RRP7A: variants seen among roughly 807,000 people sequenced by gnomAD.
RRP7A encodes the protein ribosomal RNA processing 7 homolog A.
Under a neutral mutation model 38.4 loss-of-function variants are expected in RRP7A, and 27 were observed. That is an observed-to-expected ratio of 0.70 (90% CI 0.52 to 0.97). RRP7A has a LOEUF of 0.97. RRP7A is among the 50% of genes least tolerant of loss of function. RRP7A has a pLI of 0.00. For synonymous variants in RRP7A, 124 were observed against 150.3 expected (o/e 0.83, Z 1.28); for missense variants, 327 against 375.4 (o/e 0.87, Z 1.07).
rs375538767 is a variant in RRP7A, at chr22:42,512,917, G to C, written c.836C>G (p.Pro279Arg). The change falls in exon 7 of 7, where the codon CCG (proline) becomes CGG (arginine). Residue 279 changes from proline (P) to arginine (R), a missense_variant. Physicochemically the swap from Pro to Arg is moderately radical, Grantham distance 103 (BLOSUM62 -2). Transcript: ENST00000323013. ...CACTGCGGCTCTCACAGCTCAGTACGGTCGGAATTTGCGCTGGGCCCGCAG... is the reference window on the plus strand; with the variant it reads ...CACTGCGGCTCTCACAGCTCAGTACCGTCGGAATTTGCGCTGGGCCCGCAG... ...ELLRAQRKFR[P>R]Y The C allele has an allele frequency of 9.6e-5, 155 of 1,613,160 alleles. No homozygotes were observed. Among genetic ancestry groups the C allele is most frequent in the Non-Finnish European group, 1.3e-4 (150 of 1,179,530 alleles).
intron 6 of RRP7A, 114 bp downstream of exon 6, chr22:42,513,992 C>T (rs1239431066): frequency 6.6e-6 from 6 of 905,038 alleles, no homozygotes; most frequent in Non-Finnish European, 1.0e-5. Flanking sequence ...TTAGGGACGC[C>T]CTCCCTCCTC....
At chr22:42,515,926 A>C (rs1023296795) in intron 3 of RRP7A, 85 bp downstream of exon 3, 4 of 1,467,022 alleles carry the variant, frequency 2.7e-6, no homozygotes, top group Non-Finnish European at 3.7e-6. Context: ...GAATGCTCTG[A>C]TGTCCCACTG....
chr22:42,517,378 G>A (rs1015849471), intron 2 of RRP7A, among the ~76,000 whole-genome samples: 2 of 145,468 alleles, frequency 1.4e-5, no homozygotes, highest in African/African-American at 5.1e-5. Context: ...TAACAGTTGT[G>A]TTTGGATAGA....
rs530684787 is a variant in RRP7A at position 42,513,611 on chromosome 22, A to G, written c.757+495T>C. On this transcript the variant is annotated intron_variant, in intron 6 of 6. Coordinates refer to ENST00000323013, the MANE Select transcript of RRP7A (RefSeq NM_015703.5). ...AGACAGGGACACCAGGCAGTGGGGCAGGAGGCTCAGCCGCAGCACCAGGAG... is the reference window on the plus strand; with the variant it reads ...AGACAGGGACACCAGGCAGTGGGGCGGGAGGCTCAGCCGCAGCACCAGGAG... Among the ~76,000 whole-genome samples, 67 of 128,690 alleles carry G rather than the reference A, an allele frequency of 5.2e-4. No homozygotes were observed. In the South Asian group the frequency reaches 5.4e-3, roughly 10 times the overall value. 84.4% of individuals were successfully genotyped at this position (128,690 alleles called of 152,430 possible).
intron 5 of RRP7A, 50 bp from the exon 6 acceptor site, chr22:42,514,354 G>A (rs1275412375): frequency 8.6e-6 from 12 of 1,390,620 alleles, no homozygotes; most frequent in African/African-American, 1.4e-5. Context: ...GCAGCCTCCA[G>A]CAGCGCGCCC....
chr22:42,513,018 G>A (rs1271446059), intron 6 of RRP7A, 23 bp from the exon 7 acceptor site: 4 of 1,600,844 alleles, frequency 2.5e-6, no homozygotes, highest in Non-Finnish European at 3.4e-6. Flanking sequence ...GGAGGCGCGG[G>A]GCAGGGTCAG....
At chr22:42,519,368 G>T (rs202202708) in intron 1 of RRP7A, among the ~76,000 whole-genome samples, 1 of 152,118 alleles carries the variant, frequency 6.6e-6, no homozygotes, top group East Asian at 1.9e-4. Context: ...GAGCTGATGG[G>T]GGATGGACTA....
chr22:42,509,063 G>C lies in RRP7A; in HGVS notation c.*3847C>G, dbSNP rs1008291362. On this transcript the variant is annotated 3_prime_UTR_variant, in exon 7 of 7. Coordinates refer to ENST00000323013, the MANE Select transcript of RRP7A (RefSeq NM_015703.5). ...GCATTGACTTCGTCAGCAGGGAGCT[G>C]TGTGCGCATTCCATCAGGAAGCTGC... 6.2e-7 allele frequency: 1 copy of C among 1,612,680 alleles called. No homozygotes were observed. The highest frequency in any genetic ancestry group is 2.2e-5 in the East Asian group (1 of 44,884).
chr22:42,512,288 A>C lies in RRP7A; in HGVS notation c.*622T>G, dbSNP rs1932490866. On this transcript the variant is annotated 3_prime_UTR_variant, in exon 7 of 7. Coordinates refer to ENST00000323013, the MANE Select transcript of RRP7A (RefSeq NM_015703.5). ...TAGTGCTCCCAGACTCAACACTGGG[A>C]CTCTGAGTTCCTGAGCCCCACAACA... 1 of 1,496,920 alleles carries C rather than the reference A, an allele frequency of 6.7e-7. No homozygotes were observed. The highest frequency in any genetic ancestry group is 9.3e-7 in the Non-Finnish European group (1 of 1,078,474). 92.7% of individuals were successfully genotyped at this position (1,496,920 alleles called of 1,614,324 possible). A position where few individuals can be genotyped will look rare whatever the true frequency, so the allele number is the denominator to read the frequency against.
chr22:42,517,400 T>C (rs1206498704), intron 2 of RRP7A, among the ~76,000 whole-genome samples: 4 of 151,160 alleles, frequency 2.6e-5, no homozygotes, highest in Non-Finnish European at 5.9e-5. Context: ...TTAGAGGCAC[T>C]TTTTATTTTC....
At position 42,510,851 on chromosome 22, in the gene RRP7A, GATCT is replaced by G. The variant is rs1932436649; in HGVS notation, c.*2055_*2058del. 2.7e-6 allele frequency: 3 copies of G among 1,122,964 alleles called. No homozygotes were observed. Among genetic ancestry groups the G allele is most frequent in the South Asian group, 5.2e-5 (2 of 38,688 alleles). The allele number at this position is 1,122,964 out of a possible 1,614,324, so 69.6% of individuals were successfully genotyped here. ...CCCAGGCCCAACAAGTGACCACCAG[GATCT>G]ATCAGGCCTCATGCTCCAGTGATCA... On this transcript the variant is annotated 3_prime_UTR_variant, in exon 7 of 7. Transcript: ENST00000323013.
At chr22:42,517,967 G>C (rs1208407978) in intron 2 of RRP7A, 38 bp downstream of exon 2, 1 of 1,601,464 alleles carries the variant, frequency 6.2e-7, no homozygotes, top group Admixed American at 1.7e-5. Flanking sequence ...CCCCCACCTT[G>C]AGCCCACAGG....
At chr22:42,514,072 C>T (rs374558192) in intron 6 of RRP7A, 34 bp downstream of exon 6, 21 of 1,593,094 alleles carry the variant, frequency 1.3e-5, no homozygotes, top group African/African-American at 1.1e-4. Context: ...GGGCCAAGGC[C>T]GAGGGGTCTG....
At position 42,519,774 on chromosome 22, in the gene RRP7A, T is replaced by C. The variant is rs907113884; in HGVS notation, c.13A>G (p.Arg5Gly). MVARRRKCAARDPED... is the reference protein window; with the variant it reads MVARGRKCAARDPED... ...GGGTCCCGCGCGGCGCACTTCCTCC[T>C]GCGCGCCACCATCTTGCCACCCGGG... Residue 5 changes from arginine to glycine, a missense_variant, in exon 1 of 7, where the codon AGG (arginine) becomes GGG (glycine). Arg to Gly is a moderately radical substitution (Grantham distance 125, BLOSUM62 -2). Transcript: ENST00000323013. The C allele has an allele frequency of 4.8e-6, 7 of 1,446,738 alleles. No individual in the cohort carries two copies. Among genetic ancestry groups the C allele is most frequent in the South Asian group, 1.3e-5 (1 of 74,466 alleles). 89.6% of individuals were successfully genotyped at this position (1,446,738 alleles called of 1,614,324 possible).
Position 42,510,519 on chromosome 22 carries a change from T to A in RRP7A, c.*2391A>T. 1 of 414,382 alleles carries A rather than the reference T, an allele frequency of 2.4e-6. No homozygotes were observed. The highest frequency in any genetic ancestry group is 3.8e-5 in the Admixed American group (1 of 26,500). The allele number at this position is 414,382 out of a possible 1,614,324, so 25.7% of individuals were successfully genotyped here. A position where few individuals can be genotyped will look rare whatever the true frequency, so the allele number is the denominator to read the frequency against. ...AGGGACCCAGCTGTGGGAGTTGGGG[T>A]AGCCCAGGCTTTGGTTTCTCCTCAG... On this transcript the variant is annotated 3_prime_UTR_variant, in exon 7 of 7. Transcript: ENST00000323013.
intron 1 of RRP7A, chr22:42,518,790 C>T (rs1226739726): frequency 2.1e-6 from 1 of 466,998 alleles, no homozygotes; most frequent in Non-Finnish European, 4.5e-6. Flanking sequence ...CCTCATAAAG[C>T]TAGGAACTGC....
At chr22:42,515,000 A>G (rs1166913222) in intron 4 of RRP7A, 151 bp downstream of exon 4, 1 of 612,274 alleles carries the variant, frequency 1.6e-6, no homozygotes, top group African/African-American at 1.9e-5. Flanking sequence ...GGGGACCCAG[A>G]CACAGCCCCA....
rs1050998783 is a variant in RRP7A at position 42,508,473 on chromosome 22, A to C, written c.*4437T>G. ...GTCACACCTACAGCACATCTCACTCAAGCTGGCCACATCCCCGCCATCCAG... is the reference window on the plus strand; with the variant it reads ...GTCACACCTACAGCACATCTCACTCCAGCTGGCCACATCCCCGCCATCCAG... On this transcript the variant is annotated 3_prime_UTR_variant, in exon 7 of 7. Coordinates refer to ENST00000323013, the MANE Select transcript of RRP7A (RefSeq NM_015703.5). 2.0e-5 allele frequency among the ~76,000 whole-genome samples: 3 copies of C among 152,150 alleles called. No homozygotes were observed. The highest frequency in any genetic ancestry group is 7.2e-5 in the African/African-American group (3 of 41,402).
chr22:42,508,934 G>C lies in RRP7A; in HGVS notation c.*3976C>G, dbSNP rs370508414. On this transcript the variant is annotated 3_prime_UTR_variant, in exon 7 of 7. Coordinates refer to ENST00000323013, the MANE Select transcript of RRP7A (RefSeq NM_015703.5). The stretch of plus-strand genomic sequence containing the variant: ...CAGGGTGGGTGGCTAAGGTGCCCTC[G>C]CCAGGGCTTAGCCACCCCAACAGAG... 9.5e-6 allele frequency: 15 copies of C among 1,581,180 alleles called. No homozygotes were observed. The highest frequency in any genetic ancestry group is 1.8e-5 in the Admixed American group (1 of 56,172).
Sources: allele counts gnomAD v4.1 joint callset (sites outside exome capture counted in the v4.1 genomes callset), GRCh38; gene constraint gnomAD v4.1.1; transcripts MANE v1.5; gene names NCBI Gene and HGNC (gene_info 2026-07-23, HGNC 2026-07-21).